The following RBM25 variants were observed in gnomAD, a reference collection of about 807,000 sequenced individuals.
RBM25 encodes the protein RNA-binding protein 25.
Under a neutral mutation model 120.7 loss-of-function variants are expected in RBM25, and 19 were observed. The observed-to-expected ratio is 0.16, with a 90% CI of 0.11 to 0.23. The LOEUF is 0.23. RBM25 is among the 10% of genes least tolerant of loss of function. RBM25 has a pLI of 1.00. For missense variants in RBM25, 605 were observed against 1,041.5 expected (o/e 0.58, Z 5.77); for synonymous variants, 390 against 326.7 (o/e 1.19, Z -2.09).
intron 1 of RBM25, among the ~76,000 whole-genome samples, chr14:73,062,821 C>T (rs1186992183): frequency 2.6e-5 from 4 of 151,192 alleles, no homozygotes; most frequent in Admixed American, 2.6e-4. Context: ...TCATAGGTTT[C>T]TGTTATTTTA....
At position 73,111,000 on chromosome 14, in the gene RBM25, G is replaced by T. The variant is rs764030932; in HGVS notation, c.1862G>T (p.Ser621Ile). 2 of 1,614,078 alleles carry T rather than the reference G, an allele frequency of 1.2e-6. No homozygotes were observed. Among genetic ancestry groups the T allele is most frequent in the Non-Finnish European group, 1.7e-6 (2 of 1,179,962 alleles). Residue 621 changes from serine to isoleucine, a missense_variant, in exon 15 of 19, where the codon AGC becomes ATC. Physicochemically the swap from Ser to Ile is moderately radical, Grantham distance 142. This residue lies in a region of RBM25 where 465 missense variants were observed against 741.6 expected (regional missense o/e 0.63). Coordinates refer to ENST00000261973, the MANE Select transcript of RBM25 (RefSeq NM_021239.3). ...PCLKPTLRPISSAPSVSSASG... is the reference protein window; with the variant it reads ...PCLKPTLRPIISAPSVSSASG... ...CTGAAACCTACTCTGAGGCCCATCA[G>T]CTCTGCTCCATCTGTTTCCTCTGCC...
chr14:73,063,801 C>T (rs1895062817), intron 1 of RBM25, among the ~76,000 whole-genome samples: 1 of 151,434 alleles, frequency 6.6e-6, no homozygotes, highest in Non-Finnish European at 1.5e-5. Context: ...TGTGACAAGT[C>T]AGAAACTCTT....
intron 6 of RBM25, among the ~76,000 whole-genome samples, chr14:73,091,927 T>G (rs554442527): frequency 6.6e-6 from 1 of 151,648 alleles, no homozygotes; most frequent in East Asian, 1.9e-4. Context: ...AAAATTATTT[T>G]TAATAAAAAA....
At chr14:73,080,787 A>G (rs977126970) in intron 4 of RBM25, among the ~76,000 whole-genome samples, 2 of 149,970 alleles carry the variant, frequency 1.3e-5, no homozygotes, top group Non-Finnish European at 3.0e-5. Flanking sequence ...ATGTGCTATG[A>G]TTGTATTTTC....
chr14:73,080,726 C>T (rs563492374), intron 4 of RBM25, among the ~76,000 whole-genome samples: 9 of 152,070 alleles, frequency 5.9e-5, no homozygotes, highest in South Asian at 2.1e-4. Flanking sequence ...TACAAGATGG[C>T]GAACTTGATA....
At chr14:73,068,619 T>G (rs980623053) in intron 1 of RBM25, 8 of 457,052 alleles carry the variant, frequency 1.8e-5, no homozygotes, top group Admixed American at 2.8e-5. Context: ...TGGCTGGCAT[T>G]ACCACATCCC....
At chr14:73,106,545 G>T (rs190351050) in intron 12 of RBM25, among the ~76,000 whole-genome samples, 4 of 152,036 alleles carry the variant, frequency 2.6e-5, no homozygotes, top group African/African-American at 9.6e-5. Context: ...TTTAAGTCAA[G>T]AATTTATTAA....
chr14:73,080,408 A>G (rs566342934), intron 4 of RBM25, among the ~76,000 whole-genome samples: 5 of 151,876 alleles, frequency 3.3e-5, no homozygotes, highest in East Asian at 3.9e-4. Flanking sequence ...TATTTTTAGT[A>G]GAGACAAGGT....
intron 6 of RBM25, among the ~76,000 whole-genome samples, chr14:73,091,281 G>A (rs7160224): frequency 0.012 from 1,799 of 152,176 alleles, 43 homozygotes; most frequent in African/African-American, 0.042. Context: ...CTCGAGTGTG[G>A]GGTGGTGTGA....
chr14:73,087,672 GGC>G (rs1895720497), intron 5 of RBM25, among the ~76,000 whole-genome samples: 1 of 152,172 alleles, frequency 6.6e-6, no homozygotes, highest in Non-Finnish European at 1.5e-5. Flanking sequence ...TGGGATTACA[GGC>G]ATGAGCCACC....
At position 73,077,567 on chromosome 14, in the gene RBM25, A is replaced by AT. The variant is rs751779240; in HGVS notation, c.324+38dup. On this transcript the variant is annotated intron_variant, in intron 4 of 18. Coordinates refer to ENST00000261973, the MANE Select transcript of RBM25 (RefSeq NM_021239.3). ...TTAAACTGTTTATTTTTCATTAAAA[A>AT]TTTTTTTATCATTCTACATTTCAAA... 5.9e-6 allele frequency: 9 copies of AT among 1,516,048 alleles called. No individual in the cohort carries two copies. In the African/African-American group the frequency reaches 7.1e-5, roughly 12 times the overall value. 93.9% of individuals were successfully genotyped at this position (1,516,048 alleles called of 1,614,324 possible). A position where few individuals can be genotyped will look rare whatever the true frequency, so the allele number is the denominator to read the frequency against.
intron 5 of RBM25, among the ~76,000 whole-genome samples, chr14:73,086,267 G>T (rs1436427240): frequency 1.3e-5 from 2 of 151,958 alleles, no homozygotes; most frequent in Admixed American, 6.6e-5. Context: ...GTGAAACCCT[G>T]TCTCTACTAA....
intron 1 of RBM25, chr14:73,068,104 T>G (rs1241882721): frequency 4.3e-6 from 3 of 695,078 alleles, no homozygotes; most frequent in Admixed American, 4.6e-5. Flanking sequence ...ACCCCAACTT[T>G]ACCTCGTTCA....
intron 7 of RBM25, among the ~76,000 whole-genome samples, chr14:73,098,728 C>G (rs1047385442): frequency 6.6e-6 from 1 of 151,974 alleles, no homozygotes; most frequent in Non-Finnish European, 1.5e-5. Context: ...ACTGCAAGCT[C>G]TGCCTCCCGG....
At chr14:73,060,381 T>A (rs934571036) in intron 1 of RBM25, among the ~76,000 whole-genome samples, 1 of 151,508 alleles carries the variant, frequency 6.6e-6, no homozygotes, top group Admixed American at 6.6e-5. Context: ...TAACATTGGG[T>A]AACTACTTCA....
rs1460173410 is a variant in RBM25, at chr14:73,103,472, G to A, written c.1148G>A (p.Arg383Gln). Residue 383 changes from arginine (R) to glutamine (Q), a missense_variant, in exon 10 of 19, where the codon CGA becomes CAA. Physicochemically the swap from Arg to Gln is conservative, Grantham distance 43. This residue lies in a region of RBM25 where 465 missense variants were observed against 741.6 expected (regional missense o/e 0.63). Coordinates refer to ENST00000261973, the MANE Select transcript of RBM25 (RefSeq NM_021239.3). ...TCAGATCGTAATAAGGATCGCAGTC[G>A]ATCAAGGTAAGGCTTTACAGAAGTT... ...RSSDRNKDRS[R>Q]SREKSRDRER... 5.0e-6 allele frequency: 8 copies of A among 1,592,886 alleles called. No homozygotes were observed. Among genetic ancestry groups the A allele is most frequent in the East Asian group, 2.2e-5 (1 of 44,652 alleles).
At chr14:73,118,000 T>A (rs1013601929) in intron 18 of RBM25, among the ~76,000 whole-genome samples, 9 of 152,162 alleles carry the variant, frequency 5.9e-5, no homozygotes, top group Non-Finnish European at 7.4e-5. Context: ...AACTCATAAG[T>A]AGAGAGGAAG....
intron 12 of RBM25, among the ~76,000 whole-genome samples, 193 bp downstream of exon 12, chr14:73,106,478 C>G (rs1483844842): frequency 2.6e-5 from 4 of 152,004 alleles, no homozygotes; most frequent in Admixed American, 2.6e-4. Flanking sequence ...CAAATTTTTG[C>G]TGCATCTAAA....
Position 73,106,230 on chromosome 14 carries a change from A to G in RBM25, c.1412A>G (p.Lys471Arg). The change falls in exon 12 of 19, where the codon AAA becomes AGA. Residue 471 changes from lysine (K) to arginine (R), a missense_variant. Around this residue, in one of 4 missense-constraint regions of RBM25, gnomAD observed 465 missense variants for 741.6 expected, o/e 0.63. Transcript: ENST00000261973. ...AATTGGGAAATCAGAGAACGAAAGAAAACCCGGGAATATGAGAAAGAAGCT... is the reference window on the plus strand; with the variant it reads ...AATTGGGAAATCAGAGAACGAAAGAGAACCCGGGAATATGAGAAAGAAGCT... ...LKNWEIRERK[K>R]TREYEKEAER... 1 of 1,599,564 alleles carries G rather than the reference A, an allele frequency of 6.3e-7. No individual in the cohort carries two copies. The highest frequency in any genetic ancestry group is 8.5e-7 in the Non-Finnish European group (1 of 1,175,562).
Sources: allele counts gnomAD v4.1 joint callset (sites outside exome capture counted in the v4.1 genomes callset), GRCh38; gene constraint gnomAD v4.1.1; regional missense constraint gnomAD v4.1.1; transcripts MANE v1.5; gene names NCBI Gene and HGNC (gene_info 2026-07-23, HGNC 2026-07-21).